RBFOX1: variants seen among roughly 807,000 people sequenced by gnomAD.
RBFOX1 encodes the protein RNA binding fox-1 homolog 1, also known as RNA binding protein fox-1 homolog 1.
RBFOX1 carries 8 observed loss-of-function variants against 57.7 expected under a neutral mutation model. That is an observed-to-expected ratio of 0.14 (90% CI 0.08 to 0.25). The LOEUF (loss-of-function observed/expected upper bound fraction) is 0.25. Among genes scored for constraint, RBFOX1 ranks in the 10% least tolerant of loss-of-function variants. The probability of loss-of-function intolerance (pLI) is 1.00; values close to 1 mark genes in which losing one functional copy is unlikely to be tolerated. For synonymous variants in RBFOX1, 326 were observed against 222.4 expected (o/e 1.47, Z -4.15); for missense variants, 611 against 548.5 (o/e 1.11, Z -1.14).
chr16:6,995,739 C>T (rs747413126), intron 3 of RBFOX1, among the ~76,000 whole-genome samples: 9 of 151,826 alleles, frequency 5.9e-5, no homozygotes, highest in Non-Finnish European at 8.8e-5. Flanking sequence ...GCAGCCTGGG[C>T]CATAGAGTGA....
chr16:5,813,822 T>A (rs543959313), intron 3 of RBFOX1, among the ~76,000 whole-genome samples: 1 of 152,352 alleles, frequency 6.6e-6, no homozygotes, highest in East Asian at 1.9e-4. Context: ...TTTAGTGATT[T>A]ATTCTGACTG....
intron 4 of RBFOX1, among the ~76,000 whole-genome samples, chr16:7,467,914 T>G (rs753857254): frequency 2.6e-5 from 4 of 152,238 alleles, no homozygotes; most frequent in Non-Finnish European, 5.9e-5. Flanking sequence ...GAACTTGACT[T>G]GGTATGTCCA....
At chr16:6,186,302 T>C (rs1371423423) in intron 1 of RBFOX1, among the ~76,000 whole-genome samples, 1 of 152,118 alleles carries the variant, frequency 6.6e-6, no homozygotes, top group Admixed American at 6.6e-5. Context: ...CAGGGGATGA[T>C]TTTTCTGTGC....
At chr16:6,191,129 G>GTTTTTTTTTTT (rs5815289) in intron 1 of RBFOX1, among the ~76,000 whole-genome samples, 1 of 133,946 alleles carries the variant, frequency 7.5e-6, no homozygotes, top group Non-Finnish European at 1.6e-5. Flanking sequence ...TGCGTCTGTG[G>GTTTTTTTTTTT]TTTTTTTTTT....
At chr16:5,887,017 T>C (rs1597643151) in intron 4 of RBFOX1, among the ~76,000 whole-genome samples, 1 of 152,214 alleles carries the variant, frequency 6.6e-6, no homozygotes, top group Non-Finnish European at 1.5e-5. Context: ...GTCCTGTGCA[T>C]TGCAGAATGT....
chr16:6,879,767 A>G (rs2062552194), intron 3 of RBFOX1, among the ~76,000 whole-genome samples: 2 of 152,186 alleles, frequency 1.3e-5, no homozygotes, highest in African/African-American at 4.8e-5. Flanking sequence ...GGCTGTTACT[A>G]ACCCTTCCTC....
chr16:5,570,592 C>T (rs1176265439), intron 2 of RBFOX1, among the ~76,000 whole-genome samples: 2 of 152,110 alleles, frequency 1.3e-5, no homozygotes, highest in Admixed American at 6.5e-5. Flanking sequence ...GTAATCCCAG[C>T]ACTTTGGGAG....
At chr16:6,457,748 C>T (rs922148895) in intron 2 of RBFOX1, among the ~76,000 whole-genome samples, 2 of 152,140 alleles carry the variant, frequency 1.3e-5, no homozygotes, top group African/African-American at 4.8e-5. Flanking sequence ...ATTTGCTGTC[C>T]TTCATCGTTT....
intron 4 of RBFOX1, among the ~76,000 whole-genome samples, chr16:7,260,013 C>T (rs1255224124): frequency 1.3e-5 from 2 of 152,102 alleles, no homozygotes; most frequent in African/African-American, 4.8e-5. Context: ...CAATGTGTGG[C>T]TTGTCTTTTG....
intron 4 of RBFOX1, among the ~76,000 whole-genome samples, chr16:7,499,123 C>T (rs1319521501): frequency 6.6e-6 from 1 of 152,168 alleles, no homozygotes; most frequent in African/African-American, 2.4e-5. Flanking sequence ...TTTACTGGCT[C>T]ACAGTTCTGG....
chr16:5,277,569 C>T (rs749229099), intron 1 of RBFOX1, among the ~76,000 whole-genome samples: 5 of 152,106 alleles, frequency 3.3e-5, no homozygotes, highest in East Asian at 1.9e-4. Context: ...CAAACCCCTC[C>T]TCTTCCCAGC....
intron 3 of RBFOX1, among the ~76,000 whole-genome samples, chr16:6,999,654 C>A (rs1350774239): frequency 6.6e-6 from 1 of 151,948 alleles, no homozygotes; most frequent in African/African-American, 2.4e-5. Context: ...TCTCCCTTCC[C>A]CATCAATATT....
In RBFOX1 at chr16:6,925,010, C is replaced by A. The variant is rs920354889; in HGVS notation, c.-15-127047C>A. ...GTTTCATCCATGTCCGTACAAAGGA[C>A]ATGAACTCATCATTTTTTATGGCTG... On this transcript the variant is annotated intron_variant, in intron 3 of 15. Coordinates refer to ENST00000550418, the MANE Select transcript of RBFOX1 (RefSeq NM_018723.4). 4.4e-4 allele frequency among the ~76,000 whole-genome samples: 65 copies of A among 148,476 alleles called. 1 individual carries two copies. The highest frequency in any genetic ancestry group is 1.5e-3 in the African/African-American group (60 of 40,494).
chr16:6,636,314 G>T (rs147895610), intron 2 of RBFOX1, among the ~76,000 whole-genome samples: 8 of 152,128 alleles, frequency 5.3e-5, no homozygotes, highest in Admixed American at 5.2e-4. Context: ...GGGACTAGAG[G>T]CGCCTGCCAC....
chr16:6,047,871 G>C (rs2095511909), intron 1 of RBFOX1, among the ~76,000 whole-genome samples: 1 of 152,162 alleles, frequency 6.6e-6, no homozygotes, highest in Non-Finnish European at 1.5e-5. Context: ...TGTTTAGAGA[G>C]ATAAAGTGAT....
chr16:5,555,818 T>G (rs2045649629), intron 2 of RBFOX1, among the ~76,000 whole-genome samples: 1 of 151,680 alleles, frequency 6.6e-6, no homozygotes, highest in Non-Finnish European at 1.5e-5. Context: ...GGTCGGGAGT[T>G]CGAGACGAGC....
intron 4 of RBFOX1, among the ~76,000 whole-genome samples, chr16:7,399,109 C>G (rs886593946): frequency 2.6e-5 from 4 of 152,178 alleles, no homozygotes; most frequent in Non-Finnish European, 5.9e-5. Context: ...CAAAGCTGCA[C>G]TTGTACCCCC....
In RBFOX1 at chr16:6,351,374, T is replaced by TATA. The variant is rs1484529098; in HGVS notation, c.-64+34317_-64+34318insATA. 0.01 allele frequency among the ~76,000 whole-genome samples: 523 copies of TATA among 50,590 alleles called. 17 individuals are homozygous for TATA. The East Asian group carries it at 0.13, about 13-fold the overall frequency. The allele number at this position is 50,590 out of a possible 152,430, so 33.2% of individuals were successfully genotyped here. A position where few individuals can be genotyped will look rare whatever the true frequency, so the allele number is the denominator to read the frequency against. On this transcript the variant is annotated intron_variant, in intron 2 of 15. Coordinates refer to ENST00000550418, the MANE Select transcript of RBFOX1 (RefSeq NM_018723.4). ...TGTGTATATATATATATATATATAT[T>TATA]TTTTTTTTTTTTTCTTGAGGCAGAG...
chr16:6,941,925 A>C (rs79658036), intron 3 of RBFOX1, among the ~76,000 whole-genome samples: 1 of 152,088 alleles, frequency 6.6e-6, no homozygotes, highest in African/African-American at 2.4e-5. Flanking sequence ...CTCCCGCTTC[A>C]GTCTCCCAAG....
Sources: allele counts gnomAD v4.1 joint callset (sites outside exome capture counted in the v4.1 genomes callset), GRCh38; gene constraint gnomAD v4.1.1; transcripts MANE v1.5; gene names NCBI Gene and HGNC (gene_info 2026-07-23, HGNC 2026-07-21).